DLGAP1: variants seen among roughly 807,000 people sequenced by gnomAD.
DLGAP1 encodes the protein DLG associated protein 1, also known as disks large-associated protein 1.
Under a neutral mutation model 90.8 loss-of-function variants are expected in DLGAP1, and 11 were observed. The ratio of observed to expected loss-of-function variants is 0.12; its 90% CI spans 0.08 to 0.20. DLGAP1 has a LOEUF of 0.20. Among genes scored for constraint, DLGAP1 ranks in the 10% least tolerant of loss-of-function variants. The pLI, the probability that DLGAP1 is intolerant of heterozygous loss-of-function variation, is 1.00. For missense variants in DLGAP1, 1,050 were observed against 1,333.8 expected (o/e 0.79, Z 3.31); for synonymous variants, 558 against 540.7 (o/e 1.03, Z -0.44).
At chr18:3,906,799 T>C (rs1158018120) in intron 3 of DLGAP1, among the ~76,000 whole-genome samples, 1 of 152,198 alleles carries the variant, frequency 6.6e-6, no homozygotes, top group Non-Finnish European at 1.5e-5. Flanking sequence ...TAAACTGACA[T>C]TGGAATTTAT....
At chr18:4,011,173 C>T (rs2074411966) in intron 2 of DLGAP1, among the ~76,000 whole-genome samples, 2 of 87,388 alleles carry the variant, frequency 2.3e-5, no homozygotes, top group African/African-American at 4.7e-5. Context: ...AAGATTCCGC[C>T]TCAAAAAAAA....
intron 5 of DLGAP1, among the ~76,000 whole-genome samples, chr18:3,757,307 CT>C (rs1181927013): frequency 7.2e-5 from 11 of 152,098 alleles, no homozygotes; most frequent in Admixed American, 5.2e-4. Flanking sequence ...ACTTAGGAGG[CT>C]TGAGTCAGGA....
intron 10 of DLGAP1, among the ~76,000 whole-genome samples, chr18:3,531,683 A>C (rs1005656257): frequency 2.0e-5 from 3 of 151,770 alleles, no homozygotes; most frequent in Non-Finnish European, 2.9e-5. Flanking sequence ...GGGTTTTACC[A>C]TGTTGGCCAG....
intron 7 of DLGAP1, among the ~76,000 whole-genome samples, chr18:3,599,918 A>ATT (rs775592401): frequency 3.5e-5 from 5 of 142,560 alleles, no homozygotes; most frequent in African/African-American, 5.1e-5. Flanking sequence ...TTCCCAGCCA[A>ATT]TTTTTTTTTT....
chr18:4,079,107 A>C (rs116968618), intron 2 of DLGAP1, among the ~76,000 whole-genome samples: 17 of 152,194 alleles, frequency 1.1e-4, no homozygotes, highest in Non-Finnish European at 2.2e-4. Context: ...TTCCCACATA[A>C]ATTTAAGGAT....
chr18:3,965,123 T>TA (rs1568323481), intron 3 of DLGAP1, among the ~76,000 whole-genome samples: 1 of 152,184 alleles, frequency 6.6e-6, no homozygotes, highest in East Asian at 1.9e-4. Context: ...TGTAAACAAA[T>TA]AGAGGCATGG....
chr18:3,570,938 A>AAG (rs1348154099), intron 8 of DLGAP1, among the ~76,000 whole-genome samples: 1 of 151,650 alleles, frequency 6.6e-6, no homozygotes, highest in Non-Finnish European at 1.5e-5. Flanking sequence ...CAAAAAAAAA[A>AAG]AAAAAGGTAA....
intron 7 of DLGAP1, among the ~76,000 whole-genome samples, chr18:3,715,388 T>C (rs1485701157): frequency 6.6e-6 from 1 of 152,218 alleles, no homozygotes; most frequent in Non-Finnish European, 1.5e-5. Context: ...GCACTATTCC[T>C]ACTAGAGCTT....
chr18:3,641,395 G>A (rs909957693), intron 7 of DLGAP1, among the ~76,000 whole-genome samples: 1 of 150,930 alleles, frequency 6.6e-6, no homozygotes, highest in African/African-American at 2.4e-5. Context: ...AAATTAGCTG[G>A]GTGTGGTGGC....
intron 7 of DLGAP1, among the ~76,000 whole-genome samples, chr18:3,609,517 G>A (rs2057495065): frequency 6.6e-6 from 1 of 152,168 alleles, no homozygotes; most frequent in South Asian, 2.1e-4. Context: ...TGTCTGCCTG[G>A]TGCAAATCCT....
chr18:4,288,841 G>A (rs146423941), intron 1 of DLGAP1, among the ~76,000 whole-genome samples: 63 of 152,068 alleles, frequency 4.1e-4, no homozygotes, highest in African/African-American at 1.5e-3. Context: ...GATTTGATTC[G>A]CATAACAGGT....
intron 7 of DLGAP1, among the ~76,000 whole-genome samples, chr18:3,639,879 G>T (rs369110015): frequency 7.4e-6 from 1 of 135,950 alleles, no homozygotes; most frequent in Non-Finnish European, 1.6e-5. Flanking sequence ...CTCAGCCTTC[G>T]GAGCAGCTGG....
intron 3 of DLGAP1, among the ~76,000 whole-genome samples, chr18:3,890,620 TA>T (rs1217316209): frequency 2.0e-5 from 3 of 152,244 alleles, no homozygotes; most frequent in Non-Finnish European, 4.4e-5. Flanking sequence ...TCTTAAATTT[TA>T]AACAAACAAA....
intron 2 of DLGAP1, among the ~76,000 whole-genome samples, chr18:4,055,600 C>T (rs57589013): frequency 6.6e-6 from 1 of 152,074 alleles, no homozygotes; most frequent in East Asian, 1.9e-4. Context: ...CCAGCTACAT[C>T]CATCTTGAGA....
chr18:3,590,715 G>A (rs951224771), intron 7 of DLGAP1, among the ~76,000 whole-genome samples: 5 of 151,934 alleles, frequency 3.3e-5, no homozygotes, highest in Non-Finnish European at 5.9e-5. Context: ...ATTAGCCGGG[G>A]GTGGTGGCAC....
chr18:3,715,919 G>GA (rs1171188155), intron 7 of DLGAP1, among the ~76,000 whole-genome samples: 1 of 152,178 alleles, frequency 6.6e-6, no homozygotes, highest in Non-Finnish European at 1.5e-5. Flanking sequence ...TGAAGAGGGG[G>GA]AAAAAAGCCC....
At chr18:3,523,638 G>A (rs1398174359) in intron 10 of DLGAP1, among the ~76,000 whole-genome samples, 2 of 151,638 alleles carry the variant, frequency 1.3e-5, no homozygotes, top group Non-Finnish European at 2.9e-5. Flanking sequence ...ACGAGGTCAG[G>A]AGATCGAGAC....
At chr18:3,959,622 C>T (rs1241937332) in intron 3 of DLGAP1, among the ~76,000 whole-genome samples, 4 of 150,820 alleles carry the variant, frequency 2.7e-5, no homozygotes, top group Non-Finnish European at 4.4e-5. Flanking sequence ...TGAGTTCATA[C>T]CACTGCACTC....
chr18:3,839,758 T>C (rs1273789204), intron 4 of DLGAP1, among the ~76,000 whole-genome samples: 1 of 152,248 alleles, frequency 6.6e-6, no homozygotes, highest in East Asian at 1.9e-4. Flanking sequence ...AACATGGCAC[T>C]GAGAACAATA....
Sources: allele counts gnomAD v4.1 joint callset (sites outside exome capture counted in the v4.1 genomes callset), GRCh38; gene constraint gnomAD v4.1.1; transcripts MANE v1.5; gene names NCBI Gene and HGNC (gene_info 2026-07-23, HGNC 2026-07-21).